UBE4A: variants seen among roughly 807,000 people sequenced by gnomAD.
UBE4A encodes ubiquitination factor E4A, also known as ubiquitin conjugation factor E4 A.
UBE4A carries 48 observed loss-of-function variants against 117.9 expected under a neutral mutation model. That is an observed-to-expected ratio of 0.41 (90% confidence interval 0.32 to 0.52). The LOEUF (loss-of-function observed/expected upper bound fraction) is 0.52. Ranked by LOEUF, UBE4A falls within the 20% of genes least tolerant of loss-of-function variation. UBE4A has a pLI of 0.33. For synonymous variants in UBE4A, 407 were observed against 450.0 expected, an observed-to-expected ratio of 0.90 and a Z score of 1.21; for missense variants, 1,067 against 1,296.3, an observed-to-expected ratio of 0.82 and a Z score of 2.72.
intron 4 of UBE4A, 61 bp downstream of exon 4, chr11:118,369,596 T>C: frequency 2.4e-6 from 3 of 1,246,196 alleles, no homozygotes; most frequent in Non-Finnish European, 3.5e-6. Flanking sequence ...GGCTGAATTC[T>C]GCTCACTGTT....
At chr11:118,364,959 A>G (rs1948551096) in intron 1 of UBE4A, 81 bp from the exon 2 acceptor site, 6 of 1,214,282 alleles carry the variant, frequency 4.9e-6, no homozygotes, top group Non-Finnish European at 5.4e-6. Context: ...TATTTGAGAA[A>G]TGGGAAAAGA....
At position 118,397,179 on chromosome 11, in the gene UBE4A, A is replaced by G. The variant is rs1948882613; in HGVS notation, c.*739A>G. ...TTCTCTTATGAAAATCTGTTTCTAC[A>G]AGGACTAGGCCTAAGTAGATTTAGG... On this transcript the variant is annotated 3_prime_UTR_variant, in exon 20 of 20. Transcript: ENST00000252108. The G allele has an allele frequency of 6.6e-6, 1 of 152,196 alleles. No individual in the cohort carries two copies. The highest frequency in any genetic ancestry group is 1.5e-5 in the Non-Finnish European group (1 of 68,054). 9.4% of individuals were successfully genotyped at this position (152,196 alleles called of 1,614,324 possible). A position where few individuals can be genotyped will look rare whatever the true frequency, so the allele number is the denominator to read the frequency against.
At chr11:118,361,092 C>T (rs887451405) in intron 1 of UBE4A, among the ~76,000 whole-genome samples, 1 of 150,098 alleles carries the variant, frequency 6.7e-6, no homozygotes. Flanking sequence ...TCTCAGCTCA[C>T]GGCAACCTCC....
rs782110421 is a variant in UBE4A at position 118,374,881 on chromosome 11, T to C, written c.1117-15T>C. The C allele has an allele frequency of 6.7e-7, 1 of 1,491,464 alleles. No individual in the cohort carries two copies. The highest frequency in any genetic ancestry group is 1.4e-5 in the African/African-American group (1 of 71,012). 92.4% of individuals were successfully genotyped at this position (1,491,464 alleles called of 1,614,324 possible). On this transcript the variant is annotated splice_polypyrimidine_tract_variant and intron_variant, in intron 8 of 19. Coordinates refer to ENST00000252108, the MANE Select transcript of UBE4A (RefSeq NM_001204077.2). ...ATTGTGAAACGTTCTGTGGTTGTGT[T>C]TTCTGGTTGAACAGTTCATGGCTCA...
At chr11:118,368,541 C>T in intron 2 of UBE4A, 90 bp from the exon 3 acceptor site, 1 of 1,375,540 alleles carries the variant, frequency 7.3e-7, no homozygotes, top group Non-Finnish European at 1.0e-6. Flanking sequence ...CTGAAATTAT[C>T]ATCTTCTTGG....
chr11:118,376,337 A>G (rs563452120), intron 9 of UBE4A, among the ~76,000 whole-genome samples: 6 of 152,366 alleles, frequency 3.9e-5, no homozygotes, highest in African/African-American at 1.2e-4. Flanking sequence ...TCTATTGCCT[A>G]TCACTTGAAA....
Position 118,390,938 on chromosome 11 carries a change from G to A in UBE4A, c.2916+134G>A. 5 of 1,122,320 alleles carry A rather than the reference G, an allele frequency of 4.5e-6. No individual in the cohort carries two copies. In the South Asian group the frequency reaches 7.3e-5, roughly 16 times the overall value. The allele number at this position is 1,122,320 out of a possible 1,614,324, so 69.5% of individuals were successfully genotyped here. ...GATCACTTAAGCCCAGGAGTTTGAA[G>A]CTGCAGTGTGCTATGATCATGCCTG... On this transcript the variant is annotated intron_variant, in intron 18 of 19. Coordinates refer to ENST00000252108, the MANE Select transcript of UBE4A (RefSeq NM_001204077.2).
At chr11:118,387,326 T>G (rs1306373485) in intron 16 of UBE4A, among the ~76,000 whole-genome samples, 5 of 152,010 alleles carry the variant, frequency 3.3e-5, no homozygotes, top group Non-Finnish European at 5.9e-5. Flanking sequence ...AAAGAGGCAA[T>G]GAAAGAGATT....
rs372959190 is a variant in UBE4A, at chr11:118,390,741, G to A, written c.2853G>A (p.Leu951=). The change falls in exon 18 of 20, where the codon TTG becomes TTA. Residue 951 remains leucine, a synonymous_variant. Transcript: ENST00000252108. The part of the protein sequence containing the change: ...PTLFAQTVRV[L]KKINKPGNMI... ...TCTTTGCACAGACAGTTCGAGTCTT[G>A]AAGAAAATAAATAAGCCTGGGAATA... 3.7e-6 allele frequency: 6 copies of A among 1,607,990 alleles called. No homozygotes were observed. The highest frequency in any genetic ancestry group is 3.4e-5 in the Admixed American group (2 of 59,452).
intron 18 of UBE4A, among the ~76,000 whole-genome samples, chr11:118,391,412 C>G (rs569729026): frequency 6.4e-4 from 97 of 151,250 alleles, no homozygotes; most frequent in Middle Eastern, 6.8e-3. Context: ...TCGCTTGAAC[C>G]TGGGAGGCGG....
chr11:118,360,786 A>G (rs1192764126), intron 1 of UBE4A, among the ~76,000 whole-genome samples: 2 of 152,172 alleles, frequency 1.3e-5, no homozygotes, highest in Non-Finnish European at 2.9e-5. Flanking sequence ...TAGGACAGCT[A>G]TTATAGATAT....
chr11:118,369,924 C>A (rs1315672283), intron 4 of UBE4A, among the ~76,000 whole-genome samples: 1 of 151,808 alleles, frequency 6.6e-6, no homozygotes, highest in Non-Finnish European at 1.5e-5. Context: ...AACGCCGTCT[C>A]TACTAAAAAT....
chr11:118,374,473 A>G (rs1393297993), intron 8 of UBE4A, among the ~76,000 whole-genome samples: 1 of 152,246 alleles, frequency 6.6e-6, no homozygotes, highest in African/African-American at 2.4e-5. Context: ...GCAAACTAGC[A>G]GTGGCCAAAT....
intron 2 of UBE4A, among the ~76,000 whole-genome samples, chr11:118,367,856 A>G (rs180780492): frequency 1.8e-4 from 28 of 152,302 alleles, no homozygotes; most frequent in African/African-American, 6.3e-4. Context: ...GCTACTGTGA[A>G]TTTATCCTAT....
At chr11:118,395,461 A>G (rs1186211600) in intron 19 of UBE4A, among the ~76,000 whole-genome samples, 2 of 152,264 alleles carry the variant, frequency 1.3e-5, no homozygotes, top group African/African-American at 4.8e-5. Context: ...TGTATAGGCC[A>G]AGACAGTTCT....
intron 4 of UBE4A, among the ~76,000 whole-genome samples, chr11:118,370,984 T>TC (rs2134090578): frequency 1.3e-5 from 2 of 152,278 alleles, no homozygotes; most frequent in East Asian, 3.9e-4. Context: ...TAGCCCCACC[T>TC]CCAACAGTGC....
rs782755117 is a variant in UBE4A, at chr11:118,382,579, C to G, written c.2010-10C>G. 12 of 1,519,538 alleles carry G rather than the reference C, an allele frequency of 7.9e-6. No individual in the cohort carries two copies. Among genetic ancestry groups the G allele is most frequent in the Middle Eastern group, 1.7e-4 (1 of 5,734 alleles). The allele number at this position is 1,519,538 out of a possible 1,614,324, so 94.1% of individuals were successfully genotyped here. On this transcript the variant is annotated splice_polypyrimidine_tract_variant and intron_variant, in intron 12 of 19. Transcript: ENST00000252108. Reference sequence around the variant, plus strand: ...TTATCTGCTCATCTTGCTTTTTGCCCATTTTGCAGAATGAAGAATCCCCAC... The same window carrying G: ...TTATCTGCTCATCTTGCTTTTTGCCGATTTTGCAGAATGAAGAATCCCCAC...
chr11:118,373,427 G>C, intron 7 of UBE4A, 67 bp from the exon 8 acceptor site: 1 of 1,543,584 alleles, frequency 6.5e-7, no homozygotes, highest in Non-Finnish European at 8.8e-7. Context: ...ACTGTTTTGA[G>C]GCCCTCCCAC....
At chr11:118,376,461 C>T in intron 9 of UBE4A, 113 bp from the exon 10 acceptor site, 1 of 1,389,918 alleles carries the variant, frequency 7.2e-7, no homozygotes, top group Non-Finnish European at 9.6e-7. Flanking sequence ...ACTAATATGA[C>T]AAGATATGTT....
Sources: gnomAD v4.1 joint callset for allele counts (sites outside exome capture counted in the v4.1 genomes callset) on GRCh38, gnomAD v4.1.1 for gene constraint, MANE v1.5 for transcripts, NCBI Gene and HGNC (gene_info 2026-07-23, HGNC 2026-07-21) for gene names.